PLCL1: variants seen among roughly 807,000 people sequenced by gnomAD.
PLCL1 encodes the protein inactive phospholipase C-like protein 1.
Under a neutral mutation model 84.4 loss-of-function variants are expected in PLCL1, and 41 were observed. That is an observed-to-expected ratio of 0.49 (90% confidence interval 0.38 to 0.63). The LOEUF (loss-of-function observed/expected upper bound fraction) is 0.63. Ranked by LOEUF, PLCL1 falls within the 30% of genes least tolerant of loss-of-function variation. PLCL1 has a pLI of 0.00. For missense variants in PLCL1, 1,206 were observed against 1,367.8 expected, an observed-to-expected ratio of 0.88 and a Z score of 1.87; for synonymous variants, 490 against 488.3, an observed-to-expected ratio of 1.00 and a Z score of -0.05.
intron 1 of PLCL1, among the ~76,000 whole-genome samples, chr2:198,054,623 G>A (rs568666711): frequency 3.9e-4 from 59 of 152,228 alleles, no homozygotes; most frequent in Non-Finnish European, 7.1e-4. Flanking sequence ...GGACCAAGAT[G>A]AGCAGGCTGT....
At chr2:197,884,344 GT>G (rs1462534149) in intron 1 of PLCL1, among the ~76,000 whole-genome samples, 1 of 152,196 alleles carries the variant, frequency 6.6e-6, no homozygotes, top group Non-Finnish European at 1.5e-5. Flanking sequence ...AGGGCAAAAA[GT>G]TTAGCTCCCA....
chr2:198,110,849 T>C (rs540543139), intron 5 of PLCL1, among the ~76,000 whole-genome samples: 1 of 151,916 alleles, frequency 6.6e-6, no homozygotes, highest in East Asian at 2.0e-4. Flanking sequence ...GTCTCTGGCA[T>C]CTGCCAGCTG....
chr2:197,969,119 G>T (rs777957729), intron 1 of PLCL1, among the ~76,000 whole-genome samples: 2 of 152,168 alleles, frequency 1.3e-5, no homozygotes, highest in Non-Finnish European at 2.9e-5. Context: ...AGAGTCTAAT[G>T]CCTGATGATC....
chr2:197,937,891 TG>T (rs1387755019), intron 1 of PLCL1, among the ~76,000 whole-genome samples: 1 of 152,106 alleles, frequency 6.6e-6, no homozygotes, highest in Admixed American at 6.6e-5. Flanking sequence ...ATGAAGGACT[TG>T]GGGTCCCATA....
intron 1 of PLCL1, among the ~76,000 whole-genome samples, chr2:197,963,508 G>A (rs1401579541): frequency 2.6e-5 from 4 of 151,968 alleles, no homozygotes; most frequent in African/African-American, 9.7e-5. Context: ...TGGACAGTTT[G>A]TGAATATTTT....
intron 1 of PLCL1, among the ~76,000 whole-genome samples, chr2:197,852,078 C>T (rs1291374325): frequency 1.3e-5 from 2 of 152,196 alleles, no homozygotes; most frequent in Non-Finnish European, 2.9e-5. Flanking sequence ...TGAATGAATT[C>T]AGCGACAGCT....
intron 1 of PLCL1, among the ~76,000 whole-genome samples, chr2:198,043,149 GGGT>G (rs1691704633): frequency 6.6e-6 from 1 of 152,200 alleles, no homozygotes; most frequent in South Asian, 2.1e-4. Flanking sequence ...ATTCTTGCAA[GGGT>G]GGTAGACCTA....
intron 5 of PLCL1, among the ~76,000 whole-genome samples, chr2:198,136,242 T>C (rs1163896700): frequency 2.0e-5 from 3 of 152,152 alleles, no homozygotes; most frequent in African/African-American, 4.8e-5. Flanking sequence ...GAGTTTTCCA[T>C]GTATGGCAGG....
At chr2:197,817,674 G>A (rs1690718661) in intron 1 of PLCL1, among the ~76,000 whole-genome samples, 1 of 152,090 alleles carries the variant, frequency 6.6e-6, no homozygotes, top group East Asian at 1.9e-4. Context: ...TGCATAGGTT[G>A]TGAGAAGTCA....
intron 1 of PLCL1, among the ~76,000 whole-genome samples, chr2:198,028,526 T>G (rs1691327256): frequency 6.6e-6 from 1 of 152,210 alleles, no homozygotes; most frequent in South Asian, 2.1e-4. Context: ...TTACTTTTAC[T>G]CTTCAGACAG....
chr2:197,942,251 T>C (rs1359361717), intron 1 of PLCL1, among the ~76,000 whole-genome samples: 4 of 152,150 alleles, frequency 2.6e-5, no homozygotes, highest in African/African-American at 7.2e-5. Context: ...TCAGTCCATT[T>C]CCATCTTTAG....
At position 198,036,937 on chromosome 2, in the gene PLCL1, C is replaced by T. The variant is rs148600110; in HGVS notation, c.241-46821C>T. Among the ~76,000 whole-genome samples, 13 of 152,254 alleles carry T rather than the reference C, an allele frequency of 8.5e-5. No individual in the cohort carries two copies. The East Asian group carries it at 1.7e-3, about 20-fold the overall frequency. Reference sequence around the variant, plus strand: ...CATCCCAGAGGCTGGATCCTGTTACCCTTATCAATCCAGTGGGCAATGCCA... The same window carrying T: ...CATCCCAGAGGCTGGATCCTGTTACTCTTATCAATCCAGTGGGCAATGCCA... On this transcript the variant is annotated intron_variant, in intron 1 of 5. Transcript: ENST00000428675.
chr2:197,906,450 T>G (rs373580409), intron 1 of PLCL1, among the ~76,000 whole-genome samples: 29 of 152,278 alleles, frequency 1.9e-4, no homozygotes, highest in African/African-American at 7.0e-4. Flanking sequence ...TACTATGCTG[T>G]TGTGGTTCCT....
chr2:198,042,132 A>G (rs756993443), intron 1 of PLCL1, among the ~76,000 whole-genome samples: 1 of 152,132 alleles, frequency 6.6e-6, no homozygotes, highest in Non-Finnish European at 1.5e-5. Context: ...TTGTTCTTTG[A>G]TAAAATGTTG....
intron 1 of PLCL1, among the ~76,000 whole-genome samples, chr2:198,005,868 C>A (rs1690717347): frequency 6.6e-6 from 1 of 152,210 alleles, no homozygotes; most frequent in African/African-American, 2.4e-5. Context: ...AAACAGTGCA[C>A]ATTTCTTCCA....
At chr2:198,100,556 C>A in intron 3 of PLCL1, among the ~76,000 whole-genome samples, 1 of 152,134 alleles carries the variant, frequency 6.6e-6, no homozygotes, top group African/African-American at 2.4e-5. Context: ...TCAACTGAGA[C>A]TTAGGGGAAC....
chr2:198,121,844 T>A (rs899021033), intron 5 of PLCL1, among the ~76,000 whole-genome samples: 2 of 152,050 alleles, frequency 1.3e-5, no homozygotes, highest in African/African-American at 4.8e-5. Flanking sequence ...TGGCTTTTTC[T>A]CTCAATAGGA....
chr2:198,012,904 A>G (rs1304144494), intron 1 of PLCL1, among the ~76,000 whole-genome samples: 1 of 152,088 alleles, frequency 6.6e-6, no homozygotes, highest in African/African-American at 2.4e-5. Flanking sequence ...GAGATAAAAC[A>G]TCTTAAAATT....
At chr2:197,901,896 C>T (rs1688275315) in intron 1 of PLCL1, among the ~76,000 whole-genome samples, 1 of 152,140 alleles carries the variant, frequency 6.6e-6, no homozygotes, top group Admixed American at 6.5e-5. Flanking sequence ...AGTGTTCTTT[C>T]TTGCCCAAAG....
Sources: gnomAD v4.1 joint callset for allele counts (sites outside exome capture counted in the v4.1 genomes callset) on GRCh38, gnomAD v4.1.1 for gene constraint, MANE v1.5 for transcripts, NCBI Gene and HGNC (gene_info 2026-07-23, HGNC 2026-07-21) for gene names.